RPS6KC1: variants seen among roughly 807,000 people sequenced by gnomAD.
RPS6KC1 encodes the protein ribosomal protein S6 kinase C1, also known as inactive ribosomal protein S6 kinase delta-1.
A neutral mutation model predicts 103.8 loss-of-function variants in RPS6KC1; 54 were observed. The observed-to-expected ratio is 0.52, with a 90% CI of 0.42 to 0.65. RPS6KC1 has a LOEUF of 0.65. Ranked by LOEUF, RPS6KC1 falls within the 30% of genes least tolerant of loss-of-function variation. The pLI, the probability that RPS6KC1 is intolerant of heterozygous loss-of-function variation, is 0.00. For synonymous variants in RPS6KC1, 439 were observed against 438.7 expected (o/e 1.00, Z -0.01); for missense variants, 1,151 against 1,253.8 (o/e 0.92, Z 1.24).
the RPS6KC1 span, among the ~76,000 whole-genome samples, chr1:213,375,129 A>G: frequency 6.6e-6 from 1 of 151,998 alleles, no homozygotes; most frequent in East Asian, 1.9e-4. Flanking sequence ...ATACACATAC[A>G]CATATATACA....
the RPS6KC1 span, among the ~76,000 whole-genome samples, chr1:213,494,807 G>A: frequency 6.6e-6 from 1 of 151,758 alleles, no homozygotes; most frequent in Non-Finnish European, 1.5e-5. Flanking sequence ...AAATCTACAA[G>A]AGGTATATTG....
At chr1:213,763,990 G>A in the RPS6KC1 span, among the ~76,000 whole-genome samples, 12 of 152,270 alleles carry the variant, frequency 7.9e-5, no homozygotes, top group African/African-American at 1.4e-4. Context: ...TTATTCATAC[G>A]AATCCGTTAT....
chr1:213,338,786 T>G, the RPS6KC1 span, among the ~76,000 whole-genome samples: 3 of 149,930 alleles, frequency 2.0e-5, no homozygotes, highest in African/African-American at 7.5e-5. Flanking sequence ...TTTTTTTTTT[T>G]GAGAGACAAG....
At chr1:213,405,930 G>A in the RPS6KC1 span, among the ~76,000 whole-genome samples, 10 of 152,198 alleles carry the variant, frequency 6.6e-5, no homozygotes, top group South Asian at 2.1e-4. Flanking sequence ...AGCCTCCTCC[G>A]ACCCGGCTAA....
At chr1:213,681,795 C>CA in the RPS6KC1 span, among the ~76,000 whole-genome samples, 40 of 149,568 alleles carry the variant, frequency 2.7e-4, no homozygotes, top group East Asian at 4.7e-3. Flanking sequence ...GAGACTGTCT[C>CA]AAAAAAAAAT....
At chr1:213,414,616 T>C in the RPS6KC1 span, among the ~76,000 whole-genome samples, 2 of 152,222 alleles carry the variant, frequency 1.3e-5, no homozygotes, top group Non-Finnish European at 2.9e-5. Flanking sequence ...TCTGACCACC[T>C]GCATGTCATA....
chr1:213,450,190 A>G, the RPS6KC1 span, among the ~76,000 whole-genome samples: 6,688 of 152,234 alleles, frequency 0.044, 167 homozygotes, highest in African/African-American at 0.059. Flanking sequence ...AAAGAACTCA[A>G]TATGTGTTCA....
chr1:213,397,588 T>TACACACACACACACACACACAC, the RPS6KC1 span, among the ~76,000 whole-genome samples: 1 of 140,468 alleles, frequency 7.1e-6, no homozygotes, highest in African/African-American at 2.7e-5. Context: ...CAGGAACACA[T>TACACACACACACACACACACAC]ACACACACAC....
the RPS6KC1 span, among the ~76,000 whole-genome samples, chr1:213,601,032 A>T: frequency 6.6e-6 from 1 of 152,228 alleles, no homozygotes; most frequent in African/African-American, 2.4e-5. Flanking sequence ...GAAAGAAGTT[A>T]CTAGGCAAGA....
the RPS6KC1 span, among the ~76,000 whole-genome samples, chr1:213,830,126 G>T: frequency 1.3e-5 from 2 of 152,154 alleles, no homozygotes; most frequent in Non-Finnish European, 2.9e-5. Flanking sequence ...TTGACAGTTT[G>T]TGTACAAATT....
chr1:213,120,626 G>A (rs2084273157), intron 5 of RPS6KC1, among the ~76,000 whole-genome samples: 1 of 152,110 alleles, frequency 6.6e-6, no homozygotes, highest in Admixed American at 6.6e-5. Context: ...TTTGGATTTA[G>A]AGCTAAAATG....
At chr1:213,417,133 ACCTCCAC>A in the RPS6KC1 span, among the ~76,000 whole-genome samples, 1 of 151,720 alleles carries the variant, frequency 6.6e-6, no homozygotes, top group Non-Finnish European at 1.5e-5. Flanking sequence ...CATCAACATC[ACCTCCAC>A]GGTCTTTCCT....
chr1:213,830,846 A>G, the RPS6KC1 span, among the ~76,000 whole-genome samples: 1 of 152,120 alleles, frequency 6.6e-6, no homozygotes, highest in Admixed American at 6.5e-5. Flanking sequence ...GAGTAGGCCC[A>G]CATGTCTGCA....
At chr1:213,428,096 C>T in the RPS6KC1 span, among the ~76,000 whole-genome samples, 1 of 152,194 alleles carries the variant, frequency 6.6e-6, no homozygotes, top group Non-Finnish European at 1.5e-5. Context: ...AAGTGACTTC[C>T]TCTCTCAGGG....
At chr1:213,648,385 T>C in the RPS6KC1 span, among the ~76,000 whole-genome samples, 5 of 152,266 alleles carry the variant, frequency 3.3e-5, no homozygotes, top group Middle Eastern at 3.4e-3. Context: ...AATCAGACAG[T>C]TTGCATCATC....
At chr1:213,450,295 A>G in the RPS6KC1 span, among the ~76,000 whole-genome samples, 1 of 151,022 alleles carries the variant, frequency 6.6e-6, no homozygotes, top group African/African-American at 2.4e-5. Flanking sequence ...CAAAGCCAGC[A>G]GGTTTCATCA....
downstream of RPS6KC1, among the ~76,000 whole-genome samples, chr1:213,275,028 C>G (rs1278938741): frequency 6.6e-6 from 1 of 152,210 alleles, no homozygotes; most frequent in Non-Finnish European, 1.5e-5. Context: ...TTGACTGTGA[C>G]TGTTCTAAGT....
intron 8 of RPS6KC1, among the ~76,000 whole-genome samples, chr1:213,218,651 T>C (rs1015781896): frequency 6.6e-6 from 1 of 152,178 alleles, no homozygotes; most frequent in Admixed American, 6.5e-5. Context: ...CAAAACAGCA[T>C]GGTACTGGTA....
the RPS6KC1 span, among the ~76,000 whole-genome samples, chr1:213,777,474 T>C: frequency 6.6e-6 from 1 of 152,184 alleles, no homozygotes; most frequent in Non-Finnish European, 1.5e-5. Flanking sequence ...TTAAATTTGC[T>C]GTCTTATGAG....
Sources: gnomAD v4.1 joint callset for allele counts (sites outside exome capture counted in the v4.1 genomes callset) on GRCh38, gnomAD v4.1.1 for gene constraint, MANE v1.5 for transcripts, NCBI Gene and HGNC (gene_info 2026-07-23, HGNC 2026-07-21) for gene names.